Variants in DNAH5 observed in about 807,000 individuals in gnomAD.
DNAH5 encodes the protein axonemal beta dynein heavy chain 5.
In DNAH5, 372 loss-of-function variants were observed where a neutral mutation model predicts 518.2. The ratio of observed to expected loss-of-function variants is 0.72; its 90% CI spans 0.66 to 0.78. The LOEUF (loss-of-function observed/expected upper bound fraction) is 0.78. DNAH5 is among the 30% of genes least tolerant of loss of function. The pLI is 0.00. For synonymous variants in DNAH5, 2,039 were observed against 2,025.9 expected, an observed-to-expected ratio of 1.01 and a Z score of -0.17; for missense variants, 5,523 against 5,687.0, an observed-to-expected ratio of 0.97 and a Z score of 0.93.
chr5:13,901,356 C>T lies in DNAH5; in HGVS notation c.1948G>A (p.Val650Met), dbSNP rs565277214. The change falls in exon 14 of 79, where the codon GTG becomes ATG. Residue 650 changes from valine to methionine, a missense_variant. By Grantham distance (21) the Val-to-Met change is conservative (BLOSUM62 1). This residue lies in a region of DNAH5 where 5,121 missense variants were observed against 5,223.3 expected (regional missense o/e 0.98). Coordinates refer to ENST00000265104, the MANE Select transcript of DNAH5 (RefSeq NM_001369.3). ...PMQLFQQHPAVLSTAEAKPII... is the reference protein window; with the variant it reads ...PMQLFQQHPAMLSTAEAKPII... ...GGTTTGGCTTCTGCCGTGCTTAGCA[C>T]AGCTGGGTGCTGCTGGAAAAGCTGC... The T allele has an allele frequency of 6.2e-7, 1 of 1,614,156 alleles. No homozygotes were observed. The highest frequency in any genetic ancestry group is 1.3e-5 in the African/African-American group (1 of 75,054).
At chr5:13,872,192 C>T (rs10061803) in intron 22 of DNAH5, among the ~76,000 whole-genome samples, 50,055 of 152,028 alleles carry the variant, frequency 0.33, 8,643 homozygotes, top group East Asian at 0.58. Context: ...TGACTGAACC[C>T]ACTGGAAGCC....
chr5:13,801,055 T>C (rs148839442), intron 47 of DNAH5, among the ~76,000 whole-genome samples: 31 of 152,332 alleles, frequency 2.0e-4, no homozygotes, highest in Non-Finnish European at 3.2e-4. Flanking sequence ...CTTTTCTCAC[T>C]GTCTCCTATG....
At chr5:13,889,975 T>C (rs1036148995) in intron 17 of DNAH5, among the ~76,000 whole-genome samples, 2 of 152,140 alleles carry the variant, frequency 1.3e-5, no homozygotes, top group African/African-American at 4.8e-5. Context: ...AGATGCCCAC[T>C]GGGAATATTG....
chr5:13,981,839 C>T (rs568466151), intron 1 of DNAH5, among the ~76,000 whole-genome samples: 37 of 152,186 alleles, frequency 2.4e-4, no homozygotes, highest in Admixed American at 9.8e-4. Flanking sequence ...TTAGATGTAC[C>T]CAAGGCCATC....
At position 13,826,216 on chromosome 5, in the gene DNAH5, T is replaced by C. The variant is rs142130446; in HGVS notation, c.6445-1883A>G. 4.8e-3 allele frequency among the ~76,000 whole-genome samples: 731 copies of C among 152,318 alleles called. 8 individuals carry two copies. The highest frequency in any genetic ancestry group is 0.024 in the Admixed American group (370 of 15,296). Reference sequence around the variant, plus strand: ...CAACTATTTTGCACACATTGATGTATTACATTTCACTATGATCTTGTGAAC... The same window carrying C: ...CAACTATTTTGCACACATTGATGTACTACATTTCACTATGATCTTGTGAAC... On this transcript the variant is annotated intron_variant, in intron 38 of 78. Transcript: ENST00000265104.
intron 31 of DNAH5, among the ~76,000 whole-genome samples, chr5:13,846,588 G>A (rs1229693929): frequency 2.6e-5 from 4 of 152,104 alleles, no homozygotes; most frequent in Non-Finnish European, 5.9e-5. Context: ...AGACAAAGGA[G>A]GGCACTCATT....
intron 11 of DNAH5, 86 bp from the exon 12 acceptor site, chr5:13,911,579 CAAT>C (rs2151977929): frequency 9.8e-7 from 1 of 1,017,074 alleles, no homozygotes; most frequent in East Asian, 2.8e-5. Context: ...AGAGCCTATA[CAAT>C]AATTGCCAGA....
intron 77 of DNAH5, 45 bp downstream of exon 77, chr5:13,701,239 G>C: frequency 6.2e-7 from 1 of 1,612,938 alleles, no homozygotes; most frequent in Non-Finnish European, 8.5e-7. Flanking sequence ...AAATCCTGTG[G>C]AGGAAAATTA....
chr5:13,890,893 A>G (rs1773128351), intron 17 of DNAH5, 83 bp downstream of exon 17: 1 of 1,510,150 alleles, frequency 6.6e-7, no homozygotes. Context: ...AAAAAAATCT[A>G]ACTTATAACT....
chr5:13,957,969 T>G (rs919003047), intron 1 of DNAH5, among the ~76,000 whole-genome samples: 3 of 151,836 alleles, frequency 2.0e-5, no homozygotes, highest in Admixed American at 1.3e-4. Context: ...CACATGTATA[T>G]GTATATATGT....
intron 59 of DNAH5, among the ~76,000 whole-genome samples, chr5:13,764,716 T>C (rs576245130): frequency 1.4e-3 from 210 of 152,322 alleles, no homozygotes; most frequent in Non-Finnish European, 2.4e-3. Context: ...CAGGAATGCA[T>C]ACCTAGAGCC....
chr5:13,930,451 G>A (rs1468288884), intron 2 of DNAH5, among the ~76,000 whole-genome samples: 2 of 151,870 alleles, frequency 1.3e-5, no homozygotes, highest in Non-Finnish European at 2.9e-5. Context: ...GTGGCACCCT[G>A]TCAGCAAAAA....
chr5:13,865,762 T>G lies in DNAH5; in HGVS notation c.4261A>C (p.Ser1421Arg). Residue 1421 changes from serine to arginine, a missense_variant, in exon 27 of 79, where the codon AGT (serine) becomes CGT (arginine). Transcript: ENST00000265104. ...TAGCTATTTACAGTTTCTATGACACTGTTGTACAGAGTATATATTTTCTGT... is the reference window on the plus strand; with the variant it reads ...TAGCTATTTACAGTTTCTATGACACGGTTGTACAGAGTATATATTTTCTGT... Reference protein sequence around the residue: ...LLQKIYTLYNSVIETVNSYYD... With the variant: ...LLQKIYTLYNRVIETVNSYYD... The G allele has an allele frequency of 6.2e-7, 1 of 1,610,830 alleles. No homozygotes were observed. Among genetic ancestry groups the G allele is most frequent in the Non-Finnish European group, 8.5e-7 (1 of 1,177,026 alleles).
rs113731597 is a variant in DNAH5, at chr5:13,859,907, G to A, written c.4797-302C>T. Among the ~76,000 whole-genome samples, 536 of 152,224 alleles carry A rather than the reference G, an allele frequency of 3.5e-3. 4 individuals are homozygous for A. Among genetic ancestry groups the A allele is most frequent in the African/African-American group, 0.012 (515 of 41,534 alleles). Reference sequence around the variant, plus strand: ...CCAGGGTAATATAATTACCCTCAGTGCTGCTATGGCTACGAGAATAATATT... The same window carrying A: ...CCAGGGTAATATAATTACCCTCAGTACTGCTATGGCTACGAGAATAATATT... On this transcript the variant is annotated intron_variant, in intron 29 of 78. Coordinates refer to ENST00000265104, the MANE Select transcript of DNAH5 (RefSeq NM_001369.3).
At position 13,716,123 on chromosome 5, in the gene DNAH5, GC is replaced by G. The variant is rs1439531519; in HGVS notation, c.12909+363del. ...ACAGAACAAATTGGGTCTAGAAGCT[GC>G]CTTTGCTCTACTGCTGTGGCAGCCG... On this transcript the variant is annotated intron_variant, in intron 74 of 78. Transcript: ENST00000265104. Among the ~76,000 whole-genome samples the G allele has an allele frequency of 6.6e-5, 10 of 152,342 alleles. No individual in the cohort carries two copies. In the East Asian group the frequency reaches 1.5e-3, roughly 23 times the overall value.
At chr5:13,733,422 A>G (rs1197044330) in intron 68 of DNAH5, among the ~76,000 whole-genome samples, 1 of 152,186 alleles carries the variant, frequency 6.6e-6, no homozygotes, top group East Asian at 1.9e-4. Context: ...CAATCCATTG[A>G]AAAGCTCTAG....
chr5:14,000,733 G>C (rs757477817), intron 1 of DNAH5, among the ~76,000 whole-genome samples: 2 of 152,002 alleles, frequency 1.3e-5, no homozygotes, highest in African/African-American at 4.8e-5. Context: ...AAGTAGCCTC[G>C]TGATTTCTCA....
chr5:13,811,265 T>C (rs1178288784), intron 44 of DNAH5, among the ~76,000 whole-genome samples: 5 of 152,220 alleles, frequency 3.3e-5, no homozygotes, highest in Admixed American at 6.5e-5. Flanking sequence ...ATGTGGTTAT[T>C]ACACATAGCA....
intron 52 of DNAH5, among the ~76,000 whole-genome samples, chr5:13,781,325 C>G (rs771365830): frequency 6.6e-6 from 1 of 152,148 alleles, no homozygotes; most frequent in Admixed American, 6.5e-5. Context: ...GGAAGGAGAA[C>G]AGAAATGTCA....
Sources: allele counts gnomAD v4.1 joint callset (sites outside exome capture counted in the v4.1 genomes callset), GRCh38; gene constraint gnomAD v4.1.1; regional missense constraint gnomAD v4.1.1; transcripts MANE v1.5; gene names NCBI Gene and HGNC (gene_info 2026-07-23, HGNC 2026-07-21).